The following CRTAC1 variants were observed in gnomAD, a reference collection of about 807,000 sequenced individuals.
CRTAC1 encodes the protein cartilage acidic protein 1, also known as acidic secreted protein in cartilage.
CRTAC1 carries 37 observed loss-of-function variants against 67.8 expected under a neutral mutation model. That is an observed-to-expected ratio of 0.55 (90% CI 0.42 to 0.72). The LOEUF (loss-of-function observed/expected upper bound fraction) is 0.72. Among genes scored for constraint, CRTAC1 ranks in the 30% least tolerant of loss-of-function variants. The pLI is 0.00. For synonymous variants in CRTAC1, 348 were observed against 371.0 expected (o/e 0.94, Z 0.71); for missense variants, 780 against 931.6 (o/e 0.84, Z 2.12).
intron 2 of CRTAC1, among the ~76,000 whole-genome samples, chr10:97,951,385 A>G (rs1424863500): frequency 6.6e-6 from 1 of 152,240 alleles, no homozygotes; most frequent in Non-Finnish European, 1.5e-5. Flanking sequence ...ATTTGAAGAA[A>G]ATAGTTCTAG....
chr10:98,003,492 C>G (rs963101354), intron 2 of CRTAC1, among the ~76,000 whole-genome samples: 6 of 152,230 alleles, frequency 3.9e-5, no homozygotes, highest in Admixed American at 3.9e-4. Context: ...GCCTCTCCCT[C>G]CGTCTTCAAA....
rs974473542 is a variant in CRTAC1, at chr10:97,912,241, A to T, written c.716-4094T>A. ...ATTTACCACCTGCTGGGTGAATAATATCCCTTTATTTTTTCCCAGCACTTT... is the reference window on the plus strand; with the variant it reads ...ATTTACCACCTGCTGGGTGAATAATTTCCCTTTATTTTTTCCCAGCACTTT... On this transcript the variant is annotated intron_variant, in intron 5 of 14. Coordinates refer to ENST00000370597, the MANE Select transcript of CRTAC1 (RefSeq NM_018058.7). 3.9e-5 allele frequency among the ~76,000 whole-genome samples: 6 copies of T among 152,292 alleles called. No individual in the cohort carries two copies. The East Asian group carries it at 9.7e-4, about 25-fold the overall frequency.
chr10:98,000,540 C>A (rs1842668657), intron 2 of CRTAC1, among the ~76,000 whole-genome samples: 1 of 152,238 alleles, frequency 6.6e-6, no homozygotes, highest in Non-Finnish European at 1.5e-5. Context: ...CACTCCACAT[C>A]TGACTCGCAG....
intron 1 of CRTAC1, among the ~76,000 whole-genome samples, chr10:98,019,665 C>G (rs934356437): frequency 3.9e-5 from 6 of 152,286 alleles, no homozygotes; most frequent in African/African-American, 9.6e-5. Flanking sequence ...TCAAAGAGCC[C>G]TCCCTGGACC....
At chr10:97,955,788 G>T (rs1483645921) in intron 2 of CRTAC1, among the ~76,000 whole-genome samples, 1 of 152,104 alleles carries the variant, frequency 6.6e-6, no homozygotes, top group African/African-American at 2.4e-5. Context: ...TGTGCCCAAG[G>T]GGTCCACATC....
At chr10:97,889,878 C>A (rs567456631) in intron 11 of CRTAC1, among the ~76,000 whole-genome samples, 6 of 152,092 alleles carry the variant, frequency 3.9e-5, no homozygotes, top group Admixed American at 1.3e-4. Context: ...CTCAGTCATG[C>A]GGGACCTCAA....
At chr10:97,918,209 C>T (rs1042675553) in intron 4 of CRTAC1, among the ~76,000 whole-genome samples, 1 of 152,138 alleles carries the variant, frequency 6.6e-6, no homozygotes, top group African/African-American at 2.4e-5. Flanking sequence ...CTACTTCCCT[C>T]GTCCCTTCCC....
At chr10:97,868,049 G>A (rs570501628) in intron 14 of CRTAC1, 4 of 152,392 alleles carry the variant, frequency 2.6e-5, no homozygotes, top group Middle Eastern at 3.4e-3. Context: ...GTTGGGTCCT[G>A]TTGGGAGCTG....
chr10:97,953,811 C>A (rs749103033), intron 2 of CRTAC1, among the ~76,000 whole-genome samples: 40 of 152,172 alleles, frequency 2.6e-4, no homozygotes, highest in Non-Finnish European at 5.1e-4. Flanking sequence ...GTGTTATTTT[C>A]CTCCTATTCA....
intron 2 of CRTAC1, among the ~76,000 whole-genome samples, chr10:97,997,958 G>A (rs1306147870): frequency 1.3e-5 from 2 of 152,114 alleles, no homozygotes; most frequent in African/African-American, 4.8e-5. Context: ...AGAGAGCAGA[G>A]AGAATGGAGG....
At chr10:97,958,700 G>T (rs2051478255) in intron 2 of CRTAC1, among the ~76,000 whole-genome samples, 1 of 152,116 alleles carries the variant, frequency 6.6e-6, no homozygotes, top group Admixed American at 6.5e-5. Context: ...AGGGTGACTG[G>T]CTGGTGGCCA....
intron 2 of CRTAC1, among the ~76,000 whole-genome samples, chr10:97,959,994 C>G (rs2136641174): frequency 6.6e-6 from 1 of 152,374 alleles, no homozygotes; most frequent in South Asian, 2.1e-4. Context: ...CCCATAGGCA[C>G]ACTCTGCCTA....
chr10:97,926,782 C>A (rs896313754), intron 3 of CRTAC1, among the ~76,000 whole-genome samples: 1 of 152,164 alleles, frequency 6.6e-6, no homozygotes, highest in Admixed American at 6.5e-5. Context: ...TCAGGGCTCT[C>A]GAGAAGGGAC....
intron 8 of CRTAC1, 114 bp from the exon 9 acceptor site, chr10:97,897,105 T>TACC: frequency 1.5e-6 from 1 of 674,698 alleles, no homozygotes; most frequent in Non-Finnish European, 2.5e-6. Flanking sequence ...GTGCATGGGC[T>TACC]ACCACCTGGC....
chr10:97,902,310 C>T (rs2050552764), intron 7 of CRTAC1, among the ~76,000 whole-genome samples: 1 of 152,238 alleles, frequency 6.6e-6, no homozygotes, highest in Admixed American at 6.5e-5. Context: ...CCTGCCTTAC[C>T]CACCACCTGC....
chr10:98,021,377 A>G (rs1336643601), intron 1 of CRTAC1, among the ~76,000 whole-genome samples: 1 of 152,172 alleles, frequency 6.6e-6, no homozygotes. Flanking sequence ...CTTGCTCCAG[A>G]AAAAGGCAGA....
chr10:97,950,444 T>G (rs1347250409), intron 2 of CRTAC1, among the ~76,000 whole-genome samples: 1 of 152,174 alleles, frequency 6.6e-6, no homozygotes, highest in African/African-American at 2.4e-5. Flanking sequence ...CCTGGTCAGC[T>G]GGCATCTGTG....
chr10:97,901,603 CAG>C lies in CRTAC1; in HGVS notation c.1031_1032del (p.Pro344ArgfsTer10). ...IASPKFSMPS[P>X]VRTVITADFD... ...AAGTCGGCGGTGATGACCGTGCGGA[CAG>C]GGGAGGGCATGGAGAACTTGGGTGA... On this transcript the variant is annotated frameshift_variant, in exon 8 of 15. Transcript: ENST00000370597. LOFTEE classifies it high-confidence loss of function. 1 of 1,614,136 alleles carries C rather than the reference CAG, an allele frequency of 6.2e-7. No homozygotes were observed. Among genetic ancestry groups the C allele is most frequent in the Non-Finnish European group, 8.5e-7 (1 of 1,180,038 alleles).
chr10:97,962,467 T>G (rs1285789708), intron 2 of CRTAC1, among the ~76,000 whole-genome samples: 1 of 152,198 alleles, frequency 6.6e-6, no homozygotes, highest in Non-Finnish European at 1.5e-5. Context: ...CAGAACATAA[T>G]ATTATTAGGC....
Sources: gnomAD v4.1 joint callset for allele counts (sites outside exome capture counted in the v4.1 genomes callset) on GRCh38, gnomAD v4.1.1 for gene constraint, MANE v1.5 for transcripts, NCBI Gene and HGNC (gene_info 2026-07-23, HGNC 2026-07-21) for gene names.